Variants in RMND5A observed in about 807,000 individuals in gnomAD.
RMND5A encodes required for meiotic nuclear division 5 homolog A.
In RMND5A, 17 loss-of-function variants were observed where a neutral mutation model predicts 49.7. The ratio of observed to expected loss-of-function variants is 0.34; its 90% CI spans 0.23 to 0.51. The LOEUF (loss-of-function observed/expected upper bound fraction) is 0.51, where lower values mean the gene tolerates loss of function less well. RMND5A is among the 20% of genes least tolerant of loss of function. The pLI is 0.96. For missense variants in RMND5A, 255 were observed against 471.3 expected, an observed-to-expected ratio of 0.54 and a Z score of 4.25; for synonymous variants, 156 against 167.7, an observed-to-expected ratio of 0.93 and a Z score of 0.54.
rs922294558 is a variant in RMND5A at position 86,775,490 on chromosome 2, T to C, written c.*2079T>C. 3.9e-5 allele frequency: 6 copies of C among 152,112 alleles called. 1 individual carries two copies. The highest frequency in any genetic ancestry group is 1.4e-4 in the African/African-American group (6 of 41,414). 9.4% of individuals were successfully genotyped at this position (152,112 alleles called of 1,614,324 possible). A position where few individuals can be genotyped will look rare whatever the true frequency, so the allele number is the denominator to read the frequency against. On this transcript the variant is annotated 3_prime_UTR_variant, in exon 9 of 9. Coordinates refer to ENST00000283632, the MANE Select transcript of RMND5A (RefSeq NM_022780.4). ...TGGTAAATGTGTTTGATGACCAGAC[T>C]CTTCATACAGTCGGCTTGGGCCACT...
At chr2:86,763,592 C>T (rs1672542742) in intron 4 of RMND5A, among the ~76,000 whole-genome samples, 1 of 152,044 alleles carries the variant, frequency 6.6e-6, no homozygotes, top group African/African-American at 2.4e-5. Context: ...TCAGCTTGGG[C>T]AACATAGTGT....
intron 7 of RMND5A, 82 bp downstream of exon 7, chr2:86,770,207 A>C: frequency 2.0e-6 from 2 of 987,976 alleles, no homozygotes; most frequent in South Asian, 2.6e-5. Context: ...CTTACCTTTT[A>C]ACCAGGAAAC....
intron 4 of RMND5A, among the ~76,000 whole-genome samples, chr2:86,760,137 C>T (rs891307953): frequency 6.6e-6 from 1 of 151,998 alleles, no homozygotes; most frequent in African/African-American, 2.4e-5. Context: ...CTCTGCCTCC[C>T]GAGTTCAAGC....
intron 1 of RMND5A, among the ~76,000 whole-genome samples, chr2:86,733,514 C>T (rs77442411): frequency 0.019 from 2,691 of 144,798 alleles, 51 homozygotes; most frequent in East Asian, 0.087. Context: ...TTTTGAGTAT[C>T]GTGCTTAAAA....
intron 2 of RMND5A, among the ~76,000 whole-genome samples, chr2:86,750,809 G>T: frequency 6.7e-6 from 1 of 148,798 alleles, no homozygotes. Context: ...CAGATTGGAT[G>T]AATTCTATTG....
intron 6 of RMND5A, among the ~76,000 whole-genome samples, chr2:86,768,247 T>C (rs1440359863): frequency 1.3e-5 from 2 of 152,214 alleles, no homozygotes; most frequent in Non-Finnish European, 2.9e-5. Flanking sequence ...TAAGAAACTG[T>C]TGTAAGAAAA....
chr2:86,773,400 A>G lies in RMND5A; in HGVS notation c.1165A>G (p.Ile389Val), dbSNP rs1558728629. ...MEQSPGDAKQ[I>V]FF ...ACAAAGTCCAGGAGATGCCAAACAG[A>G]TATTTTTCTGAAGAGATAACTTTAG... The change falls in exon 9 of 9, where the codon ATA (isoleucine) becomes GTA (valine). Residue 389 changes from isoleucine to valine, a missense_variant. Coordinates refer to ENST00000283632, the MANE Select transcript of RMND5A (RefSeq NM_022780.4). 1.2e-6 allele frequency: 2 copies of G among 1,603,586 alleles called. No homozygotes were observed. The highest frequency in any genetic ancestry group is 1.7e-5 in the Admixed American group (1 of 59,998).
intron 2 of RMND5A, among the ~76,000 whole-genome samples, chr2:86,749,290 T>C (rs1681592533): frequency 6.6e-6 from 1 of 152,236 alleles, no homozygotes; most frequent in Non-Finnish European, 1.5e-5. Context: ...AACATAATCT[T>C]ATACAAGCAG....
intron 4 of RMND5A, 92 bp downstream of exon 4, chr2:86,753,650 T>G: frequency 1.6e-6 from 1 of 622,144 alleles, no homozygotes; most frequent in Non-Finnish European, 2.8e-6. Context: ...TTAGATATAT[T>G]TATCTTACCT....
intron 4 of RMND5A, among the ~76,000 whole-genome samples, chr2:86,757,550 G>A (rs566983129): frequency 6.6e-6 from 1 of 152,294 alleles, no homozygotes; most frequent in Admixed American, 6.5e-5. Context: ...GTGTTAACGA[G>A]AGAATAGTAA....
rs556480429 is a variant in RMND5A, at chr2:86,750,676, A to G, written c.286-1220A>G. On this transcript the variant is annotated intron_variant, in intron 2 of 8. Coordinates refer to ENST00000283632, the MANE Select transcript of RMND5A (RefSeq NM_022780.4). ...TAAACTTGGGAAATACTCTTCAACT[A>G]TTTTTTTCTGTACCATACTGTTTCT... is the stretch of plus-strand genomic sequence containing the variant. Among the ~76,000 whole-genome samples the G allele has an allele frequency of 2.6e-5, 4 of 150,992 alleles. No homozygotes were observed. The South Asian group carries it at 8.4e-4, about 32-fold the overall frequency.
rs1681302839 is a variant in RMND5A at position 86,728,362 on chromosome 2, A to G, written c.142+7553A>G. 2.9e-5 allele frequency among the ~76,000 whole-genome samples: 2 copies of G among 68,728 alleles called. 1 individual carries two copies. The highest frequency in any genetic ancestry group is 1.1e-4 in the African/African-American group (2 of 17,734). 45.1% of individuals were successfully genotyped at this position (68,728 alleles called of 152,430 possible). A position where few individuals can be genotyped will look rare whatever the true frequency, so the allele number is the denominator to read the frequency against. On this transcript the variant is annotated intron_variant, in intron 1 of 8. Transcript: ENST00000283632. ...AGTCTCACTCTGTCACCTAGGCTGGAGTGCAGTGGTGTGTGATCTCAGCTC... is the reference window on the plus strand; with the variant it reads ...AGTCTCACTCTGTCACCTAGGCTGGGGTGCAGTGGTGTGTGATCTCAGCTC...
At chr2:86,761,181 C>T (rs189106585) in intron 4 of RMND5A, among the ~76,000 whole-genome samples, 36 of 152,252 alleles carry the variant, frequency 2.4e-4, no homozygotes, top group Non-Finnish European at 5.3e-4. Flanking sequence ...AAGGATGCTG[C>T]TGTGAAATTT....
At position 86,775,206 on chromosome 2, in the gene RMND5A, T is replaced by C. The variant is rs922368370; in HGVS notation, c.*1795T>C. On this transcript the variant is annotated 3_prime_UTR_variant, in exon 9 of 9. Transcript: ENST00000283632. ...AGGAAGAGAACAGAGACAAACTCTT[T>C]GGACTGTGAAAGAGAAGGTAGAGAA... 1 of 152,176 alleles carries C rather than the reference T, an allele frequency of 6.6e-6. No homozygotes were observed. Among genetic ancestry groups the C allele is most frequent in the African/African-American group, 2.4e-5 (1 of 41,442 alleles). 9.4% of individuals were successfully genotyped at this position (152,176 alleles called of 1,614,324 possible).
At chr2:86,759,210 G>A (rs72845691) in intron 4 of RMND5A, among the ~76,000 whole-genome samples, 17,134 of 152,204 alleles carry the variant, frequency 0.11, 1,243 homozygotes, top group Admixed American at 0.17. Flanking sequence ...CTATGAAGGT[G>A]AAATCTTGTA....
intron 4 of RMND5A, among the ~76,000 whole-genome samples, chr2:86,758,863 G>A (rs548846791): frequency 4.6e-5 from 7 of 152,124 alleles, no homozygotes; most frequent in Admixed American, 2.0e-4. Context: ...TTTTTGTCAG[G>A]TTTGCCATTC....
chr2:86,729,678 C>A (rs1681331603), intron 1 of RMND5A, among the ~76,000 whole-genome samples: 2 of 93,548 alleles, frequency 2.1e-5, no homozygotes, highest in African/African-American at 6.2e-5. Context: ...AGATGGAGTG[C>A]CTGGAGGGGA....
intron 4 of RMND5A, among the ~76,000 whole-genome samples, chr2:86,756,162 TG>T (rs2104400337): frequency 6.6e-6 from 1 of 152,082 alleles, no homozygotes; most frequent in East Asian, 1.9e-4. Flanking sequence ...GAAGCTGAGG[TG>T]GGCAGATCGC....
At chr2:86,766,623 C>T (rs937435093) in intron 6 of RMND5A, among the ~76,000 whole-genome samples, 1 of 142,264 alleles carries the variant, frequency 7.0e-6, no homozygotes, top group Middle Eastern at 3.9e-3. Flanking sequence ...AAGATTGCAC[C>T]ATTGCACTCC....
Sources: allele counts gnomAD v4.1 joint callset (sites outside exome capture counted in the v4.1 genomes callset), GRCh38; gene constraint gnomAD v4.1.1; transcripts MANE v1.5; gene names NCBI Gene and HGNC (gene_info 2026-07-23, HGNC 2026-07-21).